The following AOAH variants were observed in gnomAD, a reference collection of about 807,000 sequenced individuals.
AOAH encodes acyloxyacyl hydrolase, also known as acyloxyacyl hydrolase (neutrophil).
In AOAH, 64 loss-of-function variants were observed where a neutral mutation model predicts 92.2. The ratio of observed to expected loss-of-function variants is 0.69; its 90% CI spans 0.57 to 0.86. The LOEUF is 0.86. Among genes scored for constraint, AOAH ranks in the 40% least tolerant of loss-of-function variants. AOAH has a pLI of 0.00. For missense variants in AOAH, 656 were observed against 694.6 expected (o/e 0.94, Z 0.62); for synonymous variants, 263 against 254.5 (o/e 1.03, Z -0.32).
chr7:36,621,624 T>A, intron 8 of AOAH, 86 bp downstream of exon 8: 2 of 1,220,540 alleles, frequency 1.6e-6, no homozygotes, highest in Non-Finnish European at 2.4e-6. Flanking sequence ...TAAGTGGGAA[T>A]CCCCTAGGCT....
chr7:36,621,623 AT>A (rs1792284328), intron 8 of AOAH, 86 bp downstream of exon 8: 3 of 1,205,888 alleles, frequency 2.5e-6, no homozygotes, highest in Non-Finnish European at 3.7e-6. Flanking sequence ...GTAAGTGGGA[AT>A]CCCCTAGGCT....
intron 12 of AOAH, among the ~76,000 whole-genome samples, chr7:36,579,403 G>A (rs530843423): frequency 1.1e-4 from 16 of 150,582 alleles, no homozygotes; most frequent in Admixed American, 3.3e-4. Context: ...ATAATAAAAC[G>A]ACTATTGTTT....
intron 3 of AOAH, among the ~76,000 whole-genome samples, chr7:36,669,259 A>G (rs1310789355): frequency 6.6e-6 from 1 of 152,122 alleles, no homozygotes; most frequent in African/African-American, 2.4e-5. Flanking sequence ...TCTTCTTCAT[A>G]TAACTTAATA....
chr7:36,555,685 G>C (rs1476724630), intron 13 of AOAH, among the ~76,000 whole-genome samples: 5 of 152,244 alleles, frequency 3.3e-5, no homozygotes, highest in Admixed American at 2.6e-4. Flanking sequence ...TCTATTCAGA[G>C]ATTCAACTTC....
chr7:36,707,821 T>G (rs1798518600), intron 1 of AOAH, among the ~76,000 whole-genome samples: 1 of 133,126 alleles, frequency 7.5e-6, no homozygotes, highest in Admixed American at 7.6e-5. Flanking sequence ...CTTGGATCTG[T>G]AGGCTAATGT....
intron 4 of AOAH, among the ~76,000 whole-genome samples, chr7:36,647,856 A>G (rs1386905240): frequency 1.4e-5 from 2 of 147,464 alleles, no homozygotes; most frequent in East Asian, 2.0e-4. Flanking sequence ...TTTTTGGTGG[A>G]GTATCGCTCT....
chr7:36,663,925 C>A (rs980291122), intron 3 of AOAH, among the ~76,000 whole-genome samples: 1 of 151,736 alleles, frequency 6.6e-6, no homozygotes, highest in African/African-American at 2.4e-5. Context: ...ACAGTGGTAT[C>A]TCATTGTTTT....
At position 36,722,702 on chromosome 7, in the gene AOAH, A is replaced by AGG. The variant is rs35656846; in HGVS notation, c.127+1318_127+1319dup. Reference sequence around the variant, plus strand: ...TGTAATCCCAGCACTTTGGGAGCCAAGGGGGGCGGATCACGAGGTCAGGAG... The same window carrying AGG: ...TGTAATCCCAGCACTTTGGGAGCCAAGGGGGGGGCGGATCACGAGGTCAGGAG... On this transcript the variant is annotated intron_variant, in intron 1 of 20. Coordinates refer to ENST00000617537, the MANE Select transcript of AOAH (RefSeq NM_001637.4). 3.0e-3 allele frequency among the ~76,000 whole-genome samples: 459 copies of AGG among 151,676 alleles called. 6 individuals are homozygous for AGG. Among genetic ancestry groups the AGG allele is most frequent in the African/African-American group, 0.011 (436 of 41,250 alleles).
At chr7:36,533,680 T>C (rs200802003) in intron 16 of AOAH, among the ~76,000 whole-genome samples, 2 of 40,110 alleles carry the variant, frequency 5.0e-5, no homozygotes, top group South Asian at 1.5e-3. Context: ...TTTGTGTGCG[T>C]GTGTGTGTGT....
intron 12 of AOAH, among the ~76,000 whole-genome samples, chr7:36,577,829 ATGTAT>A (rs972450497): frequency 6.6e-6 from 1 of 152,208 alleles, no homozygotes; most frequent in East Asian, 1.9e-4. Flanking sequence ...TAATCTTCAA[ATGTAT>A]TGTATCTTCT....
intron 1 of AOAH, among the ~76,000 whole-genome samples, chr7:36,692,992 A>AT (rs776687820): frequency 1.3e-5 from 2 of 152,050 alleles, no homozygotes; most frequent in Non-Finnish European, 2.9e-5. Flanking sequence ...AAAGTGTAGG[A>AT]TTTTTTAAGA....
intron 1 of AOAH, among the ~76,000 whole-genome samples, chr7:36,692,719 A>G (rs1052593950): frequency 6.6e-6 from 1 of 152,240 alleles, no homozygotes; most frequent in South Asian, 2.1e-4. Context: ...CATTTATTCA[A>G]CGTGTACTTT....
At chr7:36,610,761 T>C (rs534868304) in intron 11 of AOAH, among the ~76,000 whole-genome samples, 2 of 152,336 alleles carry the variant, frequency 1.3e-5, no homozygotes, top group South Asian at 2.1e-4. Context: ...TGTGGTCACA[T>C]GACTGGCTTT....
At chr7:36,663,453 C>A (rs1795338744) in intron 3 of AOAH, among the ~76,000 whole-genome samples, 1 of 152,160 alleles carries the variant, frequency 6.6e-6, no homozygotes, top group Admixed American at 6.5e-5. Flanking sequence ...TAAAAATGCT[C>A]TGTGTTATGC....
At chr7:36,536,374 C>G (rs1235978688) in intron 16 of AOAH, among the ~76,000 whole-genome samples, 1 of 152,154 alleles carries the variant, frequency 6.6e-6, no homozygotes, top group East Asian at 1.9e-4. Context: ...CACCCTCTTC[C>G]CCCTACTTTT....
intron 12 of AOAH, among the ~76,000 whole-genome samples, chr7:36,592,740 A>T (rs547223366): frequency 6.6e-6 from 1 of 152,358 alleles, no homozygotes; most frequent in East Asian, 1.9e-4. Flanking sequence ...AAGGAGGTTA[A>T]ATGAGAGAAT....
chr7:36,660,467 C>G (rs1395622827), intron 3 of AOAH, among the ~76,000 whole-genome samples: 2 of 152,176 alleles, frequency 1.3e-5, no homozygotes, highest in African/African-American at 4.8e-5. Flanking sequence ...AGGCACCCAC[C>G]ACCATGCTTG....
intron 3 of AOAH, among the ~76,000 whole-genome samples, chr7:36,661,918 A>G (rs1795234978): frequency 6.6e-6 from 1 of 152,236 alleles, no homozygotes; most frequent in Admixed American, 6.5e-5. Flanking sequence ...TAGAATGATA[A>G]AAAGCAAAGA....
chr7:36,698,735 T>A (rs933424120), intron 1 of AOAH, among the ~76,000 whole-genome samples: 1 of 152,186 alleles, frequency 6.6e-6, no homozygotes, highest in East Asian at 1.9e-4. Context: ...AATACAATCA[T>A]ATAATGTTTA....
Sources: allele counts gnomAD v4.1 joint callset (sites outside exome capture counted in the v4.1 genomes callset), GRCh38; gene constraint gnomAD v4.1.1; transcripts MANE v1.5; gene names NCBI Gene and HGNC (gene_info 2026-07-23, HGNC 2026-07-21).